The following DLGAP1 variants were observed in gnomAD, a reference collection of about 807,000 sequenced individuals.
DLGAP1 encodes the protein DLG associated protein 1, also known as disks large-associated protein 1.
DLGAP1 carries 11 observed loss-of-function variants against 90.8 expected under a neutral mutation model. The observed-to-expected ratio is 0.12, with a 90% CI of 0.08 to 0.20. DLGAP1 has a LOEUF of 0.20. Among genes scored for constraint, DLGAP1 ranks in the 10% least tolerant of loss-of-function variants. DLGAP1 has a pLI of 1.00. For missense variants in DLGAP1, 1,050 were observed against 1,333.8 expected, an observed-to-expected ratio of 0.79 and a Z score of 3.31; for synonymous variants, 558 against 540.7, an observed-to-expected ratio of 1.03 and a Z score of -0.44.
intron 1 of DLGAP1, among the ~76,000 whole-genome samples, chr18:4,180,551 A>G (rs1208280632): frequency 6.6e-6 from 1 of 152,182 alleles, no homozygotes; most frequent in Non-Finnish European, 1.5e-5. Flanking sequence ...ATTGAGTTTA[A>G]TAAACTGGGA....
At chr18:3,874,231 T>C in intron 4 of DLGAP1, 1 of 1,550,038 alleles carries the variant, frequency 6.5e-7, no homozygotes. Flanking sequence ...TCGATCATTT[T>C]GCTTTCCTAA....
At chr18:4,048,604 A>T (rs1339367263) in intron 2 of DLGAP1, among the ~76,000 whole-genome samples, 7 of 152,180 alleles carry the variant, frequency 4.6e-5, no homozygotes, top group Non-Finnish European at 1.0e-4. Context: ...ATGTCGATAG[A>T]CTGAGAGAAT....
intron 1 of DLGAP1, among the ~76,000 whole-genome samples, chr18:4,422,222 T>A (rs1302622842): frequency 6.6e-6 from 1 of 151,778 alleles, no homozygotes; most frequent in South Asian, 2.1e-4. Flanking sequence ...AAAATATATG[T>A]ACGCACATGT....
At chr18:3,923,523 A>G (rs2072314934) in intron 3 of DLGAP1, among the ~76,000 whole-genome samples, 1 of 152,084 alleles carries the variant, frequency 6.6e-6, no homozygotes, top group African/African-American at 2.4e-5. Flanking sequence ...TTCCAGTTTA[A>G]TGTCTTTTTT....
intron 1 of DLGAP1, among the ~76,000 whole-genome samples, chr18:4,241,227 C>T (rs1239903765): frequency 6.6e-6 from 1 of 152,122 alleles, no homozygotes; most frequent in East Asian, 1.9e-4. Flanking sequence ...CTGGGGATTC[C>T]AATGCCCTGT....
chr18:4,346,087 G>A (rs566138481), intron 1 of DLGAP1, among the ~76,000 whole-genome samples: 1 of 152,316 alleles, frequency 6.6e-6, no homozygotes, highest in Non-Finnish European at 1.5e-5. Context: ...AGGAAGGCAA[G>A]TCTGTTAATG....
At chr18:3,500,996 C>T (rs1175708493) in intron 12 of DLGAP1, among the ~76,000 whole-genome samples, 1 of 152,118 alleles carries the variant, frequency 6.6e-6, no homozygotes, top group African/African-American at 2.4e-5. Flanking sequence ...TCACTGCAGA[C>T]TCAAACTCTC....
chr18:3,544,079 C>CT lies in DLGAP1; in HGVS notation c.2058-9465dup, dbSNP rs1370327681. On this transcript the variant is annotated intron_variant, in intron 9 of 12. Transcript: ENST00000315677. ...TTTTTAAATGAAGACAAAATAAGGA[C>CT]TTTTTTATATACACAGAAGCTGAAA... Among the ~76,000 whole-genome samples, 9 of 152,192 alleles carry CT rather than the reference C, an allele frequency of 5.9e-5. No individual in the cohort carries two copies. The East Asian group carries it at 9.6e-4, about 16-fold the overall frequency.
chr18:3,540,469 CAAAAAAAAAAAAA>C (rs60740209), intron 9 of DLGAP1, among the ~76,000 whole-genome samples: 4 of 58,018 alleles, frequency 6.9e-5, no homozygotes, highest in Admixed American at 2.4e-4. Context: ...GGCCCTGTGT[CAAAAAAAAAAAAA>C]AAAAAAAAAA....
chr18:4,413,152 A>T lies in DLGAP1; in HGVS notation c.-267+41854T>A, dbSNP rs1015601967. On this transcript the variant is annotated intron_variant, in intron 1 of 12. Transcript: ENST00000315677. ...GATCACTTTACCTCGTTATCCATCT[A>T]GACAAACAGAGATGCTAACAGAGGA... Among the ~76,000 whole-genome samples, 5 of 152,258 alleles carry T rather than the reference A, an allele frequency of 3.3e-5. No individual in the cohort carries two copies. In the South Asian group the frequency reaches 6.2e-4, roughly 19 times the overall value.
At chr18:3,751,992 T>C (rs918938347) in intron 5 of DLGAP1, among the ~76,000 whole-genome samples, 1 of 151,304 alleles carries the variant, frequency 6.6e-6, no homozygotes, top group Non-Finnish European at 1.5e-5. Flanking sequence ...CAAGTGATTC[T>C]CCTACCTCAG....
intron 7 of DLGAP1, among the ~76,000 whole-genome samples, chr18:3,640,168 ATATT>A (rs1183367232): frequency 6.6e-6 from 1 of 152,110 alleles, no homozygotes; most frequent in African/African-American, 2.4e-5. Flanking sequence ...TGCTTAATAA[ATATT>A]TATTTAAAAA....
At chr18:3,922,500 T>G (rs149429303) in intron 3 of DLGAP1, among the ~76,000 whole-genome samples, 33 of 152,324 alleles carry the variant, frequency 2.2e-4, no homozygotes, top group African/African-American at 7.5e-4. Flanking sequence ...TTGTTAACGG[T>G]TTTTCTTTTG....
At chr18:4,386,722 C>G (rs2082237323) in intron 1 of DLGAP1, among the ~76,000 whole-genome samples, 2 of 152,142 alleles carry the variant, frequency 1.3e-5, no homozygotes, top group South Asian at 4.1e-4. Context: ...GGCAGCAACT[C>G]TTTTAGAGAC....
chr18:4,230,012 A>G (rs1296364962), intron 1 of DLGAP1, among the ~76,000 whole-genome samples: 1 of 152,162 alleles, frequency 6.6e-6, no homozygotes, highest in African/African-American at 2.4e-5. Flanking sequence ...GAAGACATAC[A>G]AATAACAAAC....
At chr18:4,116,365 T>G (rs558657315) in intron 2 of DLGAP1, among the ~76,000 whole-genome samples, 5 of 152,338 alleles carry the variant, frequency 3.3e-5, no homozygotes, top group Non-Finnish European at 7.3e-5. Context: ...TTGAGCTTCT[T>G]GACTCTGTAG....
At chr18:3,958,206 G>A (rs1466534174) in intron 3 of DLGAP1, among the ~76,000 whole-genome samples, 4 of 152,018 alleles carry the variant, frequency 2.6e-5, no homozygotes, top group African/African-American at 9.7e-5. Flanking sequence ...ATCACTCTGG[G>A]CCTTATTACA....
chr18:3,962,110 T>TA (rs1018813189), intron 3 of DLGAP1, among the ~76,000 whole-genome samples: 2 of 152,186 alleles, frequency 1.3e-5, no homozygotes, highest in South Asian at 2.1e-4. Context: ...TGCTTGAGAT[T>TA]AAAAAAATAT....
chr18:3,989,594 A>G (rs1437826994), intron 3 of DLGAP1, among the ~76,000 whole-genome samples: 1 of 152,190 alleles, frequency 6.6e-6, no homozygotes, highest in Non-Finnish European at 1.5e-5. Context: ...TGATCCCCCA[A>G]ACAAATGTTA....
Sources: allele counts gnomAD v4.1 joint callset (sites outside exome capture counted in the v4.1 genomes callset), GRCh38; gene constraint gnomAD v4.1.1; transcripts MANE v1.5; gene names NCBI Gene and HGNC (gene_info 2026-07-23, HGNC 2026-07-21).